Variants in OLFM3 observed in about 807,000 individuals in gnomAD.
OLFM3 encodes the protein noelin-3.
A neutral mutation model predicts 48.6 loss-of-function variants in OLFM3; 20 were observed. That is an observed-to-expected ratio of 0.41 (90% confidence interval 0.29 to 0.60). The LOEUF (loss-of-function observed/expected upper bound fraction) is 0.60. Ranked by LOEUF, OLFM3 falls within the 20% of genes least tolerant of loss-of-function variation. OLFM3 has a pLI of 0.28. For synonymous variants in OLFM3, 222 were observed against 198.1 expected (o/e 1.12, Z -1.01); for missense variants, 437 against 544.3 (o/e 0.80, Z 1.96).
At chr1:101,813,520 G>T (rs2100873986) in intron 4 of OLFM3, among the ~76,000 whole-genome samples, 1 of 152,206 alleles carries the variant, frequency 6.6e-6, no homozygotes, top group African/African-American at 2.4e-5. Flanking sequence ...CTGCACACGT[G>T]TCTTAAAGGT....
chr1:101,923,812 G>A (rs561559365), intron 1 of OLFM3, among the ~76,000 whole-genome samples: 24 of 152,058 alleles, frequency 1.6e-4, no homozygotes, highest in Non-Finnish European at 3.1e-4. Flanking sequence ...TCAATAGGTT[G>A]GGACTGTGTT....
chr1:101,941,035 A>G (rs1659779526), intron 1 of OLFM3, among the ~76,000 whole-genome samples: 1 of 152,130 alleles, frequency 6.6e-6, no homozygotes, highest in South Asian at 2.1e-4. Flanking sequence ...ATTTTGCAGC[A>G]TTGTGAGGCT....
intron 1 of OLFM3, chr1:101,894,184 A>G (rs1029511318): frequency 3.3e-5 from 5 of 152,984 alleles, no homozygotes; most frequent in African/African-American, 1.2e-4. Context: ...TTAAAAATTA[A>G]AGGAAGAATA....
intron 4 of OLFM3, among the ~76,000 whole-genome samples, chr1:101,822,351 G>T (rs894002138): frequency 2.0e-5 from 3 of 152,088 alleles, no homozygotes; most frequent in Non-Finnish European, 4.4e-5. Flanking sequence ...GTTTCAGGGG[G>T]TTTACTAACT....
In OLFM3 at chr1:101,836,995, C is replaced by T. The variant is rs746834078; in HGVS notation, c.100G>A (p.Val34Met). 3 of 1,613,956 alleles carry T rather than the reference C, an allele frequency of 1.9e-6. No homozygotes were observed. Among genetic ancestry groups the T allele is most frequent in the Non-Finnish European group, 2.5e-6 (3 of 1,179,920 alleles). ...TQISPKEGWQ[V>M]YSSAQDPDGR... ...TCAGGATCCTGAGCTGAGCTGTACACCTGCCACCCTTCTTTAGGACTAATC... is the reference window on the plus strand; with the variant it reads ...TCAGGATCCTGAGCTGAGCTGTACATCTGCCACCCTTCTTTAGGACTAATC... The change falls in exon 2 of 6, where the codon GTG becomes ATG. Residue 34 changes from valine (V) to methionine (M), a missense_variant. By Grantham distance (21) the Val-to-Met change is conservative. Coordinates refer to ENST00000370103, the MANE Select transcript of OLFM3 (RefSeq NM_058170.4).
chr1:101,903,023 T>C (rs1194857013), intron 1 of OLFM3, among the ~76,000 whole-genome samples: 1 of 152,104 alleles, frequency 6.6e-6, no homozygotes, highest in Admixed American at 6.6e-5. Flanking sequence ...ACTTGACAGC[T>C]TGGCTTTCTA....
intron 1 of OLFM3, among the ~76,000 whole-genome samples, chr1:101,938,851 G>A (rs1324612360): frequency 6.6e-6 from 1 of 152,158 alleles, no homozygotes; most frequent in Non-Finnish European, 1.5e-5. Context: ...TTCCCATGCT[G>A]AGAATCAACA....
chr1:101,832,516 T>C (rs1339544805), intron 2 of OLFM3, among the ~76,000 whole-genome samples: 1 of 152,232 alleles, frequency 6.6e-6, no homozygotes, highest in Non-Finnish European at 1.5e-5. Context: ...TTAGGACATA[T>C]TACAGTCTGG....
chr1:101,956,888 T>C (rs1660313587), intron 1 of OLFM3, among the ~76,000 whole-genome samples: 1 of 151,914 alleles, frequency 6.6e-6, no homozygotes, highest in African/African-American at 2.4e-5. Flanking sequence ...TATTATGACA[T>C]GATATAATAA....
intron 1 of OLFM3, among the ~76,000 whole-genome samples, chr1:101,861,126 A>C (rs6577277): frequency 0.019 from 2,904 of 152,000 alleles, 119 homozygotes; most frequent in African/African-American, 0.066. Context: ...CAGTGGTGCG[A>C]TCTCGGCTCA....
chr1:101,929,206 A>G (rs1659369646), intron 1 of OLFM3, among the ~76,000 whole-genome samples: 1 of 152,140 alleles, frequency 6.6e-6, no homozygotes, highest in African/African-American at 2.4e-5. Flanking sequence ...AAATGTCATA[A>G]GTGCTCTCAG....
At chr1:101,882,336 A>G (rs1318052534) in intron 1 of OLFM3, among the ~76,000 whole-genome samples, 1 of 107,820 alleles carries the variant, frequency 9.3e-6, no homozygotes, top group Non-Finnish European at 2.2e-5. Context: ...TATATAATAT[A>G]TATATATATA....
chr1:101,863,613 A>G (rs2100966555), intron 1 of OLFM3, among the ~76,000 whole-genome samples: 1 of 152,310 alleles, frequency 6.6e-6, no homozygotes, highest in African/African-American at 2.4e-5. Context: ...CTAGATCAGG[A>G]AAGTAAGGAC....
intron 1 of OLFM3, among the ~76,000 whole-genome samples, chr1:101,986,570 T>G (rs1661248625): frequency 6.6e-6 from 1 of 152,220 alleles, no homozygotes; most frequent in African/African-American, 2.4e-5. Flanking sequence ...TATGCTAAAT[T>G]AATATTATTT....
rs150387767 is a variant in OLFM3, at chr1:101,888,070, C to G, written c.70-51045G>C. 5.1e-3 allele frequency among the ~76,000 whole-genome samples: 783 copies of G among 152,158 alleles called. 2 individuals are homozygous for G. The highest frequency in any genetic ancestry group is 0.011 in the Admixed American group (171 of 15,270). On this transcript the variant is annotated intron_variant, in intron 1 of 5. Coordinates refer to ENST00000370103, the MANE Select transcript of OLFM3 (RefSeq NM_058170.4). ...GTAATTATGGCATGATTCATTTTTA[C>G]TGCCCAAGGTAATTTACAGATTCAA...
intron 1 of OLFM3, among the ~76,000 whole-genome samples, chr1:101,923,005 T>C (rs1659148934): frequency 2.0e-5 from 3 of 152,190 alleles, no homozygotes; most frequent in Admixed American, 6.5e-5. Flanking sequence ...AGTGACTCAG[T>C]TTTAGCTCAA....
At chr1:101,980,230 A>G (rs1661070506) in intron 1 of OLFM3, among the ~76,000 whole-genome samples, 1 of 152,056 alleles carries the variant, frequency 6.6e-6, no homozygotes, top group Non-Finnish European at 1.5e-5. Context: ...ATGAGTTAAG[A>G]CTTTGGGGGA....
chr1:101,952,575 T>G (rs1023787154), intron 1 of OLFM3, among the ~76,000 whole-genome samples: 1 of 152,028 alleles, frequency 6.6e-6, no homozygotes, highest in Non-Finnish European at 1.5e-5. Flanking sequence ...TGTATATGTA[T>G]TGCATATGTT....
chr1:101,805,055 A>G (rs1653697929), intron 5 of OLFM3, 140 bp from the exon 6 acceptor site: 2 of 645,682 alleles, frequency 3.1e-6, no homozygotes, highest in Non-Finnish European at 5.2e-6. Flanking sequence ...GACCTGCCGC[A>G]ATGTATTTCA....
Sources: allele counts gnomAD v4.1 joint callset (sites outside exome capture counted in the v4.1 genomes callset), GRCh38; gene constraint gnomAD v4.1.1; transcripts MANE v1.5; gene names NCBI Gene and HGNC (gene_info 2026-07-23, HGNC 2026-07-21).